ANK3: variants seen among roughly 807,000 people sequenced by gnomAD.
ANK3 encodes ankyrin-3.
In ANK3, 57 loss-of-function variants were observed where a neutral mutation model predicts 370.9. The ratio of observed to expected loss-of-function variants is 0.15; its 90% CI spans 0.12 to 0.19. The LOEUF (loss-of-function observed/expected upper bound fraction) is 0.19, where lower values mean the gene tolerates loss of function less well. Among genes scored for constraint, ANK3 ranks in the 10% least tolerant of loss-of-function variants. ANK3 has a pLI of 1.00. For missense variants in ANK3, 4,439 were observed against 5,302.1 expected (o/e 0.84, Z 5.06); for synonymous variants, 1,929 against 1,946.3 (o/e 0.99, Z 0.23).
intron 2 of ANK3, among the ~76,000 whole-genome samples, chr10:60,422,844 A>G (rs1184101827): frequency 6.6e-6 from 1 of 152,154 alleles, no homozygotes; most frequent in Non-Finnish European, 1.5e-5. Flanking sequence ...AGTGATTTTC[A>G]GTAGTTTTAA....
intron 7 of ANK3, among the ~76,000 whole-genome samples, chr10:60,256,378 T>C (rs1477937863): frequency 1.3e-5 from 2 of 152,206 alleles, no homozygotes; most frequent in Non-Finnish European, 2.9e-5. Flanking sequence ...TTGGATTGAA[T>C]TTAGAAAAGA....
chr10:60,694,330 A>G (rs2079408338), intron 1 of ANK3, among the ~76,000 whole-genome samples: 1 of 152,226 alleles, frequency 6.6e-6, no homozygotes, highest in African/African-American at 2.4e-5. Flanking sequence ...ACGGCAGGAT[A>G]TTATCCAGGA....
At chr10:60,180,764 T>C (rs2096150328) in intron 18 of ANK3, among the ~76,000 whole-genome samples, 1 of 151,916 alleles carries the variant, frequency 6.6e-6, no homozygotes, top group African/African-American at 2.4e-5. Flanking sequence ...TCCTATTTTG[T>C]GTGTGTGTTT....
Position 60,036,422 on chromosome 10 carries a change from A to ATTTTTTTTTTTTTTTTTTTTTTTT in ANK3, c.*19+6226_*19+6249dup, listed in dbSNP as rs563946588. Reference sequence around the variant, plus strand: ...CTGCGGAAGAGAGAGGTCAGAGGCAATTTTTTTTTTTTTTTTTTTTTTTTT... The same window carrying ATTTTTTTTTTTTTTTTTTTTTTTT: ...CTGCGGAAGAGAGAGGTCAGAGGCAATTTTTTTTTTTTTTTTTTTTTTTTTTTTTTTTTTTTTTTTTTTTTTTTT... On this transcript the variant is annotated intron_variant, in intron 43 of 43. Coordinates refer to ENST00000280772, the MANE Select transcript of ANK3 (RefSeq NM_020987.5). Among the ~76,000 whole-genome samples, 8 of 72,292 alleles carry ATTTTTTTTTTTTTTTTTTTTTTTT rather than the reference A, an allele frequency of 1.1e-4. 2 individuals carry two copies. The highest frequency in any genetic ancestry group is 5.6e-4 in the African/African-American group (8 of 14,242). The allele number at this position is 72,292 out of a possible 152,430, so 47.4% of individuals were successfully genotyped here.
intron 25 of ANK3, among the ~76,000 whole-genome samples, chr10:60,126,219 T>A (rs2093746798): frequency 6.6e-6 from 1 of 152,132 alleles, no homozygotes; most frequent in Non-Finnish European, 1.5e-5. Context: ...GAAAAGGAAG[T>A]CTTCAAAAGA....
Position 60,592,800 on chromosome 10 carries a change from A to C in ANK3, c.96+22386T>G, listed in dbSNP as rs576000258. ...AAAGAAATTTAGACTGAATTACTTC[A>C]AGACAGACTAGAGTTCGAGAGTATT... On this transcript the variant is annotated intron_variant, in intron 2 of 43. Transcript: ENST00000373827. Among the ~76,000 whole-genome samples, 5 of 152,290 alleles carry C rather than the reference A, an allele frequency of 3.3e-5. No homozygotes were observed. The South Asian group carries it at 8.3e-4, about 25-fold the overall frequency.
At chr10:60,459,452 ATACCTGTTGCTGC>A (rs1197381509) in intron 2 of ANK3, among the ~76,000 whole-genome samples, 1 of 152,160 alleles carries the variant, frequency 6.6e-6, no homozygotes, top group Admixed American at 6.6e-5. Flanking sequence ...ACATTGTCAG[ATACCTGTTGCTGC>A]TACCTTTGTT....
chr10:60,160,902 A>C (rs2095481767), intron 23 of ANK3, among the ~76,000 whole-genome samples: 1 of 152,176 alleles, frequency 6.6e-6, no homozygotes, highest in South Asian at 2.1e-4. Flanking sequence ...ATACAATAAA[A>C]GCTGTAAACA....
intron 1 of ANK3, among the ~76,000 whole-genome samples, chr10:60,674,471 A>G (rs2079099980): frequency 6.6e-6 from 1 of 152,234 alleles, no homozygotes; most frequent in African/African-American, 2.4e-5. Flanking sequence ...TTAAACAACC[A>G]GATCTCACGT....
intron 2 of ANK3, among the ~76,000 whole-genome samples, chr10:60,577,230 C>A (rs1338766920): frequency 6.6e-6 from 1 of 152,148 alleles, no homozygotes; most frequent in Non-Finnish European, 1.5e-5. Context: ...TAGTTAGTTC[C>A]ACCACATCCA....
chr10:60,224,753 A>G (rs754634550), intron 8 of ANK3, among the ~76,000 whole-genome samples: 14 of 152,186 alleles, frequency 9.2e-5, no homozygotes, highest in African/African-American at 3.4e-4. Flanking sequence ...TCATGGCTGT[A>G]GAACAGGATA....
intron 1 of ANK3, among the ~76,000 whole-genome samples, chr10:60,679,436 T>G (rs1373767946): frequency 2.0e-5 from 3 of 152,134 alleles, no homozygotes; most frequent in Admixed American, 1.3e-4. Flanking sequence ...AGCTGGTGAT[T>G]AGCAGCTTTC....
At position 60,733,232 on chromosome 10, in the gene ANK3, G is replaced by GC. The variant is rs977167022; in HGVS notation, c.57+30dup. ...CCCCGCATGCCCCTGGGTGAAGGCA[G>GC]CCGCAGGTAGGGGGGCGGCGCGGCG... On this transcript the variant is annotated intron_variant, in intron 1 of 43. Transcript: ENST00000373827. 8.1e-6 allele frequency: 10 copies of GC among 1,239,546 alleles called. No individual in the cohort carries two copies. The Admixed American group carries it at 2.5e-4, about 31-fold the overall frequency. 76.8% of individuals were successfully genotyped at this position (1,239,546 alleles called of 1,614,324 possible).
intron 25 of ANK3, among the ~76,000 whole-genome samples, chr10:60,124,464 T>G (rs963782803): frequency 6.6e-6 from 1 of 152,150 alleles, no homozygotes; most frequent in Non-Finnish European, 1.5e-5. Flanking sequence ...AATGAGCCAC[T>G]GTGCCCAGCC....
chr10:60,579,462 T>C (rs565413379), intron 2 of ANK3, among the ~76,000 whole-genome samples: 1 of 151,990 alleles, frequency 6.6e-6, no homozygotes, highest in South Asian at 2.1e-4. Context: ...GGAATGAAGA[T>C]TATGCAAGCT....
intron 7 of ANK3, among the ~76,000 whole-genome samples, chr10:60,247,130 C>T (rs927133184): frequency 6.6e-6 from 1 of 152,144 alleles, no homozygotes; most frequent in Admixed American, 6.5e-5. Context: ...ATTCTCCTGC[C>T]TCAGCCTCCC....
At chr10:60,298,288 AAAC>A (rs1487329446) in intron 1 of ANK3, among the ~76,000 whole-genome samples, 1 of 152,206 alleles carries the variant, frequency 6.6e-6, no homozygotes, top group Non-Finnish European at 1.5e-5. Context: ...GAAAATCTCT[AAAC>A]AATACTGTAA....
At chr10:60,575,269 A>T (rs769964609) in intron 2 of ANK3, among the ~76,000 whole-genome samples, 3 of 152,092 alleles carry the variant, frequency 2.0e-5, no homozygotes, top group Non-Finnish European at 4.4e-5. Flanking sequence ...ATAAAGCATG[A>T]TCTTGGCTGT....
chr10:60,513,334 T>C (rs568606867), intron 2 of ANK3, among the ~76,000 whole-genome samples: 1 of 152,210 alleles, frequency 6.6e-6, no homozygotes, highest in Non-Finnish European at 1.5e-5. Context: ...TATTTAAACA[T>C]AAAAATCCAA....
Sources: gnomAD v4.1 joint callset for allele counts (sites outside exome capture counted in the v4.1 genomes callset) on GRCh38, gnomAD v4.1.1 for gene constraint, MANE v1.5 for transcripts, NCBI Gene and HGNC (gene_info 2026-07-23, HGNC 2026-07-21) for gene names.